FMNL2: variants seen among roughly 807,000 people sequenced by gnomAD.
FMNL2 encodes the protein formin-like protein 2.
FMNL2 carries 51 observed loss-of-function variants against 130.2 expected under a neutral mutation model. That is an observed-to-expected ratio of 0.39 (90% CI 0.31 to 0.49). The LOEUF is 0.49. FMNL2 is among the 20% of genes least tolerant of loss of function. The pLI is 0.85. For missense variants in FMNL2, 977 were observed against 1,316.2 expected (o/e 0.74, Z 3.99); for synonymous variants, 465 against 467.1 (o/e 1.00, Z 0.06).
At chr2:152,624,576 C>A (rs757411519) in intron 15 of FMNL2, among the ~76,000 whole-genome samples, 3 of 152,068 alleles carry the variant, frequency 2.0e-5, no homozygotes, top group African/African-American at 2.4e-5. Flanking sequence ...AGATGGCTCA[C>A]GCCTGTAATC....
intron 21 of FMNL2, among the ~76,000 whole-genome samples, chr2:152,633,793 C>A (rs1174659557): frequency 1.3e-5 from 2 of 152,170 alleles, no homozygotes; most frequent in African/African-American, 4.8e-5. Flanking sequence ...GGTACTAATT[C>A]ATTTTGTTTG....
intron 4 of FMNL2, among the ~76,000 whole-genome samples, chr2:152,557,274 G>A (rs1296862650): frequency 1.3e-5 from 2 of 152,108 alleles, no homozygotes; most frequent in Non-Finnish European, 2.9e-5. Context: ...TGTTAGTTTT[G>A]TCTAGGTCTC....
intron 25 of FMNL2, among the ~76,000 whole-genome samples, chr2:152,646,595 G>C (rs562729309): frequency 7.0e-6 from 1 of 143,328 alleles, no homozygotes; most frequent in East Asian, 2.1e-4. Flanking sequence ...GGGGTGGGGG[G>C]GCACAGTGGA....
At chr2:152,455,358 G>A (rs1579706017) in intron 1 of FMNL2, among the ~76,000 whole-genome samples, 1 of 152,178 alleles carries the variant, frequency 6.6e-6, no homozygotes, top group Admixed American at 6.5e-5. Flanking sequence ...TTTAGGGGAA[G>A]GATGATGTGA....
At chr2:152,448,683 T>C (rs1021520850) in intron 1 of FMNL2, among the ~76,000 whole-genome samples, 2 of 152,250 alleles carry the variant, frequency 1.3e-5, no homozygotes, top group African/African-American at 4.8e-5. Flanking sequence ...TCCTATGCAT[T>C]AGGCTCTGTA....
At position 152,614,870 on chromosome 2, in the gene FMNL2, G is replaced by A; in HGVS notation, c.1082G>A (p.Ser361Asn). 6.2e-7 allele frequency: 1 copy of A among 1,612,052 alleles called. No individual in the cohort carries two copies. The highest frequency in any genetic ancestry group is 8.5e-7 in the Non-Finnish European group (1 of 1,179,434). ...EYLDKLKHTE[S>N]DKLQVQIQAY... ...TTTTAGAAGCTGAAACACACTGAGAGTGACAAGCTTCAAGTCCAGATCCAG... is the reference window on the plus strand; with the variant it reads ...TTTTAGAAGCTGAAACACACTGAGAATGACAAGCTTCAAGTCCAGATCCAG... Residue 361 changes from serine (S) to asparagine (N), a missense_variant, in exon 12 of 26, where the codon AGT (serine) becomes AAT (asparagine). By Grantham distance (46) the Ser-to-Asn change is conservative. Around this residue, in one of 4 missense-constraint regions of FMNL2, gnomAD observed 689 missense variants for 995.9 expected, o/e 0.69. Transcript: ENST00000288670.
Position 152,629,644 on chromosome 2 carries a change from A to G in FMNL2, c.2401-12A>G. ...CTTTTTTCCCCTTTTTCTTTCTTTG[A>G]TTGGAATCTAGCAACTACATGCGAT... is the stretch of plus-strand genomic sequence containing the variant. On this transcript the variant is annotated splice_polypyrimidine_tract_variant and intron_variant, in intron 18 of 25. Coordinates refer to ENST00000288670, the MANE Select transcript of FMNL2 (RefSeq NM_052905.4). The G allele has an allele frequency of 6.3e-7, 1 of 1,583,552 alleles. No homozygotes were observed. The highest frequency in any genetic ancestry group is 1.4e-5 in the African/African-American group (1 of 73,906).
intron 10 of FMNL2, among the ~76,000 whole-genome samples, chr2:152,610,422 C>T (rs1389618932): frequency 6.6e-6 from 1 of 152,132 alleles, no homozygotes; most frequent in Non-Finnish European, 1.5e-5. Context: ...GTCACCCCCC[C>T]AGAAAAAAGT....
rs1177965681 is a variant in FMNL2 at position 152,568,218 on chromosome 2, G to GTTTTTTTTTTTTTTTTTTTTT, written c.597-6903_597-6902insTTTTTTTTTTTTTTTTTTTTT. On this transcript the variant is annotated intron_variant, in intron 6 of 25. Transcript: ENST00000288670. ...TGAGCAACGGCTTCCATTTTGGTGGGTTTTTTTTTTTTTTTGAGACGGAGT... is the reference window on the plus strand; with the variant it reads ...TGAGCAACGGCTTCCATTTTGGTGGGTTTTTTTTTTTTTTTTTTTTTTTTTTTTTTTTTTTTGAGACGGAGT... 2.0e-3 allele frequency among the ~76,000 whole-genome samples: 69 copies of GTTTTTTTTTTTTTTTTTTTTT among 34,834 alleles called. 4 individuals carry two copies. Among genetic ancestry groups the GTTTTTTTTTTTTTTTTTTTTT allele is most frequent in the African/African-American group, 5.2e-3 (62 of 11,876 alleles). 22.9% of individuals were successfully genotyped at this position (34,834 alleles called of 152,430 possible). A position where few individuals can be genotyped will look rare whatever the true frequency, so the allele number is the denominator to read the frequency against.
intron 2 of FMNL2, among the ~76,000 whole-genome samples, chr2:152,533,319 T>G (rs146511067): frequency 3.0e-4 from 46 of 152,332 alleles, no homozygotes; most frequent in African/African-American, 1.1e-3. Flanking sequence ...CCATGTATGC[T>G]TCTGTATTTA....
intron 1 of FMNL2, among the ~76,000 whole-genome samples, chr2:152,356,085 T>A (rs954077035): frequency 5.3e-5 from 8 of 152,192 alleles, no homozygotes; most frequent in African/African-American, 1.9e-4. Context: ...TCTTTATACA[T>A]TTGATTTGAG....
intron 1 of FMNL2, among the ~76,000 whole-genome samples, chr2:152,500,730 T>G (rs1691776042): frequency 6.6e-6 from 1 of 151,986 alleles, no homozygotes; most frequent in Non-Finnish European, 1.5e-5. Flanking sequence ...TGCCTGTAAT[T>G]CTAGCTACTC....
At chr2:152,519,740 G>T (rs1045491101) in intron 1 of FMNL2, among the ~76,000 whole-genome samples, 1 of 152,218 alleles carries the variant, frequency 6.6e-6, no homozygotes, top group Non-Finnish European at 1.5e-5. Flanking sequence ...TATCCCACAT[G>T]CTTATTATGA....
At chr2:152,645,535 T>A in intron 25 of FMNL2, 1 of 1,287,500 alleles carries the variant, frequency 7.8e-7, no homozygotes, top group Non-Finnish European at 1.0e-6. Context: ...CTGGCAAGCA[T>A]CACTTTTTAC....
chr2:152,648,039 G>C lies in FMNL2; in HGVS notation c.*134G>C. ...TAAGGGCTCAGATTTAGCAAACACG[G>C]AAGAATTTTAAAATGAGCTCTCCTT... On this transcript the variant is annotated 3_prime_UTR_variant, in exon 26 of 26. Transcript: ENST00000288670. 1.4e-6 allele frequency: 1 copy of C among 728,854 alleles called. No homozygotes were observed. The highest frequency in any genetic ancestry group is 2.2e-6 in the Non-Finnish European group (1 of 453,344). The allele number at this position is 728,854 out of a possible 1,614,324, so 45.1% of individuals were successfully genotyped here. A position where few individuals can be genotyped will look rare whatever the true frequency, so the allele number is the denominator to read the frequency against.
chr2:152,647,870 T>C lies in FMNL2; in HGVS notation c.3244T>C (p.Leu1082=), dbSNP rs374129737. The change falls in exon 26 of 26, where the codon TTG becomes CTG. Residue 1082 remains leucine (L), a synonymous_variant. Transcript: ENST00000288670. The part of the protein sequence containing the change: ...SVRRRFDDQN[L]RSVNGAEITM ...CAGGCGGCGCTTTGATGATCAGAAC[T>C]TGCGTTCTGTTAATGGTGCCGAAAT... 2.5e-6 allele frequency: 4 copies of C among 1,613,862 alleles called. No individual in the cohort carries two copies. The highest frequency in any genetic ancestry group is 1.1e-5 in the South Asian group (1 of 91,068).
At chr2:152,491,775 AC>A (rs1297076611) in intron 1 of FMNL2, among the ~76,000 whole-genome samples, 1 of 152,038 alleles carries the variant, frequency 6.6e-6, no homozygotes, top group Non-Finnish European at 1.5e-5. Context: ...ACATGGTGAA[AC>A]CTCATCTCTA....
intron 1 of FMNL2, among the ~76,000 whole-genome samples, chr2:152,504,814 G>A (rs553551422): frequency 2.0e-5 from 3 of 152,074 alleles, no homozygotes; most frequent in Admixed American, 6.5e-5. Flanking sequence ...ACTGTCAGGC[G>A]GGGGCTTAGG....
At chr2:152,353,298 C>T (rs1682608185) in intron 1 of FMNL2, among the ~76,000 whole-genome samples, 2 of 152,152 alleles carry the variant, frequency 1.3e-5, no homozygotes. Flanking sequence ...ATGAATTCTG[C>T]TCTGTGCCTG....
Sources: allele counts gnomAD v4.1 joint callset (sites outside exome capture counted in the v4.1 genomes callset), GRCh38; gene constraint gnomAD v4.1.1; regional missense constraint gnomAD v4.1.1; transcripts MANE v1.5; gene names NCBI Gene and HGNC (gene_info 2026-07-23, HGNC 2026-07-21).